The following SULT1C4 variants were observed in gnomAD, a reference collection of about 807,000 sequenced individuals.
SULT1C4 encodes sulfotransferase family 1C member 4.
In SULT1C4, 32 loss-of-function variants were observed where a neutral mutation model predicts 34.8. The observed-to-expected ratio is 0.92, with a 90% CI of 0.69 to 1.23. SULT1C4 has a LOEUF of 1.23. Among genes scored for constraint, SULT1C4 ranks in the 50% most tolerant of loss-of-function variants. The probability of loss-of-function intolerance (pLI) is 0.00; values close to 1 mark genes in which losing one functional copy is unlikely to be tolerated. For synonymous variants in SULT1C4, 111 were observed against 120.5 expected (o/e 0.92, Z 0.51); for missense variants, 375 against 365.9 (o/e 1.02, Z -0.20).
intron 1 of SULT1C4, 64 bp from the exon 2 acceptor site, chr2:108,381,698 G>T: frequency 1.5e-6 from 2 of 1,312,990 alleles, no homozygotes; most frequent in South Asian, 6.0e-5. Context: ...ACAAGTATTT[G>T]ATCATATTTT....
chr2:108,385,422 C>T (rs1221669390), intron 5 of SULT1C4, among the ~76,000 whole-genome samples: 1 of 152,202 alleles, frequency 6.6e-6, no homozygotes, highest in African/African-American at 2.4e-5. Flanking sequence ...GTAGTTCCCA[C>T]AAAGCTCACA....
At chr2:108,378,629 G>GA in intron 1 of SULT1C4, 123 bp downstream of exon 1, 2 of 1,099,628 alleles carry the variant, frequency 1.8e-6, no homozygotes, top group South Asian at 3.4e-5. Context: ...TATGGCTAAG[G>GA]AAAGTTACTA....
At position 108,387,665 on chromosome 2, in the gene SULT1C4, C is replaced by T; in HGVS notation, c.*233C>T. 1 of 442,656 alleles carries T rather than the reference C, an allele frequency of 2.3e-6. No individual in the cohort carries two copies. The highest frequency in any genetic ancestry group is 3.7e-5 in the East Asian group (1 of 26,892). The allele number at this position is 442,656 out of a possible 1,614,324, so 27.4% of individuals were successfully genotyped here. A position where few individuals can be genotyped will look rare whatever the true frequency, so the allele number is the denominator to read the frequency against. On this transcript the variant is annotated 3_prime_UTR_variant, in exon 7 of 7. Transcript: ENST00000272452. The stretch of plus-strand genomic sequence containing the variant: ...AGCTCAATAAATCACTAGGTACAAT[C>T]CTGGTATCATTGCCAATTATCATCA...
intron 1 of SULT1C4, among the ~76,000 whole-genome samples, chr2:108,380,357 A>T (rs1678353796): frequency 6.6e-6 from 1 of 152,062 alleles, no homozygotes; most frequent in Non-Finnish European, 1.5e-5. Context: ...TACAAAAAAA[A>T]AATAAAAATT....
Position 108,378,894 on chromosome 2 carries a change from A to C in SULT1C4, c.169+388A>C, listed in dbSNP as rs563460825. ...TGATCCTGAGTCTGATTTGGGAAAG[A>C]AATAGGGGAGCTTTGGTTCTGCAAT... On this transcript the variant is annotated intron_variant, in intron 1 of 6. Coordinates refer to ENST00000272452, the MANE Select transcript of SULT1C4 (RefSeq NM_006588.4). Among the ~76,000 whole-genome samples, 14 of 152,220 alleles carry C rather than the reference A, an allele frequency of 9.2e-5. No homozygotes were observed. In the South Asian group the frequency reaches 1.0e-3, roughly 11 times the overall value.
chr2:108,380,428 C>T lies in SULT1C4; in HGVS notation c.170-1334C>T, dbSNP rs41456749. Among the ~76,000 whole-genome samples, 725 of 152,186 alleles carry T rather than the reference C, an allele frequency of 4.8e-3. 6 individuals are homozygous for T. Among genetic ancestry groups the T allele is most frequent in the African/African-American group, 0.017 (688 of 41,516 alleles). ...TATTTGGGAGGTTGAAGCAAGAGGACCATTGAGCCCAGGAGTTGGAGGCTG... is the reference window on the plus strand; with the variant it reads ...TATTTGGGAGGTTGAAGCAAGAGGATCATTGAGCCCAGGAGTTGGAGGCTG... On this transcript the variant is annotated intron_variant, in intron 1 of 6. Coordinates refer to ENST00000272452, the MANE Select transcript of SULT1C4 (RefSeq NM_006588.4).
chr2:108,382,818 G>C, intron 3 of SULT1C4: 1 of 343,592 alleles, frequency 2.9e-6, no homozygotes, highest in South Asian at 4.9e-5. Flanking sequence ...CAGGAGACTC[G>C]CTTGAACACA....
At chr2:108,381,520 T>C (rs2104342017) in intron 1 of SULT1C4, among the ~76,000 whole-genome samples, 1 of 152,176 alleles carries the variant, frequency 6.6e-6, no homozygotes, top group Non-Finnish European at 1.5e-5. Flanking sequence ...GGGGTGATTG[T>C]GTATGCATGT....
At position 108,386,811 on chromosome 2, in the gene SULT1C4, T is replaced by C. The variant is rs1022150712; in HGVS notation, c.796+439T>C. The stretch of plus-strand genomic sequence containing the variant: ...AATTCATGCCTGCGTGGAAATTATA[T>C]TCTAGTGATAAGCAAAATAAAGAAT... On this transcript the variant is annotated intron_variant, in intron 6 of 6. Transcript: ENST00000272452. 3.9e-5 allele frequency among the ~76,000 whole-genome samples: 6 copies of C among 152,216 alleles called. 1 individual carries two copies. Among genetic ancestry groups the C allele is most frequent in the Admixed American group, 3.3e-4 (5 of 15,278 alleles).
chr2:108,383,013 C>T, intron 3 of SULT1C4, 80 bp from the exon 4 acceptor site: 1 of 1,447,046 alleles, frequency 6.9e-7, no homozygotes, highest in South Asian at 1.5e-5. Context: ...CATGACTTGC[C>T]TGGGCAGTAA....
Position 108,383,225 on chromosome 2 carries a change from AG to A in SULT1C4, c.520+7del. On this transcript the variant is annotated splice_region_variant and intron_variant, in intron 4 of 6. Coordinates refer to ENST00000272452, the MANE Select transcript of SULT1C4 (RefSeq NM_006588.4). ...GACTTTTCTGGCTGGGAAAGGTGAG[AG>A]AATTTAGCTTTGTTTCCCTTCGTTT... 1 of 1,607,482 alleles carries A rather than the reference AG, an allele frequency of 6.2e-7. No individual in the cohort carries two copies. Among genetic ancestry groups the A allele is most frequent in the Non-Finnish European group, 8.5e-7 (1 of 1,178,500 alleles).
At chr2:108,384,174 G>GT (rs1194441252) in intron 5 of SULT1C4, among the ~76,000 whole-genome samples, 1 of 151,346 alleles carries the variant, frequency 6.6e-6, no homozygotes, top group Non-Finnish European at 1.5e-5. Context: ...CAGAGTTTTT[G>GT]TTTTTTTATT....
intron 1 of SULT1C4, among the ~76,000 whole-genome samples, chr2:108,380,473 CACTGT>C (rs1678356945): frequency 6.6e-6 from 1 of 152,014 alleles, no homozygotes; most frequent in African/African-American, 2.4e-5. Context: ...AGGATCCCAC[CACTGT>C]ACTCCAGCCT....
chr2:108,385,545 G>A (rs1052034192), intron 5 of SULT1C4, among the ~76,000 whole-genome samples: 3 of 152,126 alleles, frequency 2.0e-5, no homozygotes, highest in African/African-American at 4.8e-5. Context: ...CAGGGTAAGC[G>A]CTTCCACTTT....
intron 5 of SULT1C4, among the ~76,000 whole-genome samples, chr2:108,385,884 T>C (rs1422198989): frequency 1.3e-5 from 2 of 152,170 alleles, no homozygotes; most frequent in African/African-American, 4.8e-5. Context: ...GCAGGGCTTG[T>C]GGACATAACC....
At chr2:108,382,980 T>C in intron 3 of SULT1C4, 113 bp from the exon 4 acceptor site, 3 of 1,029,176 alleles carry the variant, frequency 2.9e-6, no homozygotes, top group Non-Finnish European at 3.8e-6. Flanking sequence ...AAAAATGAAC[T>C]GTATGAAATG....
intron 5 of SULT1C4, among the ~76,000 whole-genome samples, chr2:108,384,093 T>C (rs780391822): frequency 6.6e-6 from 1 of 152,080 alleles, no homozygotes; most frequent in Non-Finnish European, 1.5e-5. Flanking sequence ...GGTTTTGAAC[T>C]CCTGATCCCA....
Position 108,387,314 on chromosome 2 carries a change from T to C in SULT1C4, c.797-6T>C. On this transcript the variant is annotated splice_polypyrimidine_tract_variant and splice_region_variant and intron_variant, in intron 6 of 6. Transcript: ENST00000272452. ...ACTGAACCTCTCCCACATAACTGTA[T>C]TTCAGGGGCAGTGGGAGACTGGAAG... 1 of 1,607,534 alleles carries C rather than the reference T, an allele frequency of 6.2e-7. No individual in the cohort carries two copies. Among genetic ancestry groups the C allele is most frequent in the Non-Finnish European group, 8.5e-7 (1 of 1,175,420 alleles).
rs372131884 is a variant in SULT1C4 at position 108,386,306 on chromosome 2, A to G, written c.730A>G (p.Met244Val). The change falls in exon 6 of 7, where the codon ATG (methionine) becomes GTG (valine). Residue 244 changes from methionine (M) to valine (V), a missense_variant. Met to Val is a conservative substitution (Grantham distance 21). Transcript: ENST00000272452. ...TSFDVMKQNP[M>V]ANYSSIPAEI... ...GTTTGATGTCATGAAACAGAATCCA[A>G]TGGCAAACTATTCATCGATTCCTGC... is the stretch of plus-strand genomic sequence containing the variant. The G allele has an allele frequency of 5.7e-6, 9 of 1,582,004 alleles. No individual in the cohort carries two copies. Among genetic ancestry groups the G allele is most frequent in the South Asian group, 4.7e-5 (4 of 84,326 alleles).
Sources: allele counts gnomAD v4.1 joint callset (sites outside exome capture counted in the v4.1 genomes callset), GRCh38; gene constraint gnomAD v4.1.1; transcripts MANE v1.5; gene names NCBI Gene and HGNC (gene_info 2026-07-23, HGNC 2026-07-21).